ERC1: variants seen among roughly 807,000 people sequenced by gnomAD.
The protein encoded by ERC1 is ELKS/RAB6-interacting/CAST family member 1.
In ERC1, 56 loss-of-function variants were observed where a neutral mutation model predicts 132.0. The ratio of observed to expected loss-of-function variants is 0.42; its 90% CI spans 0.34 to 0.53. ERC1 has a LOEUF of 0.53. Among genes scored for constraint, ERC1 ranks in the 20% least tolerant of loss-of-function variants. The pLI is 0.03. For synonymous variants in ERC1, 478 were observed against 476.1 expected (o/e 1.00, Z -0.05); for missense variants, 1,202 against 1,349.9 (o/e 0.89, Z 1.72).
At chr12:998,679 AT>A (rs1961469768) in intron 1 of ERC1, among the ~76,000 whole-genome samples, 1 of 152,074 alleles carries the variant, frequency 6.6e-6, no homozygotes, top group African/African-American at 2.4e-5. Flanking sequence ...GGATTTCACA[AT>A]TGCATGAATG....
At chr12:1,006,033 C>T (rs1004801440) in intron 1 of ERC1, among the ~76,000 whole-genome samples, 1 of 151,470 alleles carries the variant, frequency 6.6e-6, no homozygotes, top group Non-Finnish European at 1.5e-5. Flanking sequence ...TCTTGGCTCA[C>T]TGCAACCTCT....
At chr12:1,354,250 G>GCAA (rs2085309433) in intron 15 of ERC1, among the ~76,000 whole-genome samples, 1 of 152,144 alleles carries the variant, frequency 6.6e-6, no homozygotes, top group African/African-American at 2.4e-5. Context: ...AAGGCCAGGT[G>GCAA]TGGTGGCTCA....
chr12:1,161,849 C>T (rs2154261031), intron 8 of ERC1, among the ~76,000 whole-genome samples: 1 of 152,206 alleles, frequency 6.6e-6, no homozygotes, highest in South Asian at 2.1e-4. Context: ...TCTACATTCT[C>T]TAATCATTTC....
chr12:1,234,323 A>G (rs906019321), intron 12 of ERC1, among the ~76,000 whole-genome samples: 2 of 152,226 alleles, frequency 1.3e-5, no homozygotes, highest in Non-Finnish European at 2.9e-5. Flanking sequence ...TAGCCACACA[A>G]CCAGGAGAGT....
At chr12:1,295,141 C>T (rs1289802487) in intron 15 of ERC1, among the ~76,000 whole-genome samples, 3 of 152,206 alleles carry the variant, frequency 2.0e-5, no homozygotes, top group South Asian at 4.1e-4. Context: ...GTTGGTAAAG[C>T]TGAATGTGCT....
Position 1,480,924 on chromosome 12 carries a change from C to T in ERC1, c.3214-9169C>T, listed in dbSNP as rs985319617. ...GTAAGGAAATGCAGACGCCCCCAGA[C>T]GTCCCCCTTACTCTGGGCAGTCTGT... On this transcript the variant is annotated intron_variant, in intron 18 of 18. Transcript: ENST00000360905. The T allele has an allele frequency of 5.6e-5, 39 of 702,492 alleles. No homozygotes were observed. The East Asian group carries it at 7.8e-4, about 14-fold the overall frequency. 43.5% of individuals were successfully genotyped at this position (702,492 alleles called of 1,614,324 possible). A position where few individuals can be genotyped will look rare whatever the true frequency, so the allele number is the denominator to read the frequency against.
intron 2 of ERC1, among the ~76,000 whole-genome samples, chr12:1,077,892 A>T (rs1008577026): frequency 6.6e-6 from 1 of 152,126 alleles, no homozygotes; most frequent in Non-Finnish European, 1.5e-5. Flanking sequence ...AGCTAGCCTG[A>T]TTGTAGCCAA....
At chr12:1,079,852 T>C (rs1018101450) in intron 2 of ERC1, among the ~76,000 whole-genome samples, 24 of 151,196 alleles carry the variant, frequency 1.6e-4, no homozygotes, top group Non-Finnish European at 3.0e-5. Context: ...ATGACAAAAG[T>C]CGATATACAG....
chr12:1,442,203 C>T (rs1453921504), intron 17 of ERC1, among the ~76,000 whole-genome samples: 1 of 152,226 alleles, frequency 6.6e-6, no homozygotes, highest in African/African-American at 2.4e-5. Flanking sequence ...GCTGAGTTTA[C>T]AGGCATGATC....
intron 16 of ERC1, among the ~76,000 whole-genome samples, chr12:1,394,859 C>G (rs2090398809): frequency 6.6e-6 from 1 of 152,200 alleles, no homozygotes; most frequent in African/African-American, 2.4e-5. Context: ...TGAGAGCAGA[C>G]TAATACACTC....
intron 2 of ERC1, among the ~76,000 whole-genome samples, chr12:1,037,854 C>A (rs1469947338): frequency 1.3e-5 from 2 of 151,950 alleles, no homozygotes; most frequent in East Asian, 3.9e-4. Flanking sequence ...AGCATCCTGG[C>A]TAACATGGTG....
In ERC1 at chr12:1,427,976, G is replaced by A. The variant is rs546713237; in HGVS notation, c.3025-16586G>A. Reference sequence around the variant, plus strand: ...CACAGGTAGATCCTGCTTTTCTGTGGTTTCTGTTGAGTGATTTAAGGTGGC... The same window carrying A: ...CACAGGTAGATCCTGCTTTTCTGTGATTTCTGTTGAGTGATTTAAGGTGGC... On this transcript the variant is annotated intron_variant, in intron 17 of 18. Transcript: ENST00000360905. Among the ~76,000 whole-genome samples, 4 of 152,230 alleles carry A rather than the reference G, an allele frequency of 2.6e-5. No homozygotes were observed. In the South Asian group the frequency reaches 8.3e-4, roughly 32 times the overall value.
At chr12:1,117,230 TGAG>T (rs1946551821) in intron 7 of ERC1, among the ~76,000 whole-genome samples, 2 of 151,966 alleles carry the variant, frequency 1.3e-5, no homozygotes, top group African/African-American at 4.8e-5. Context: ...AAAAAAGGAA[TGAG>T]GAGGAAAAGA....
At chr12:1,350,651 T>TA (rs2084911790) in intron 15 of ERC1, among the ~76,000 whole-genome samples, 1 of 152,236 alleles carries the variant, frequency 6.6e-6, no homozygotes, top group African/African-American at 2.4e-5. Flanking sequence ...TATAGGGACT[T>TA]ACAGTTCTAG....
intron 7 of ERC1, 30 bp downstream of exon 7, chr12:1,116,063 T>C (rs765699043): frequency 6.3e-7 from 1 of 1,586,656 alleles, no homozygotes; most frequent in Non-Finnish European, 8.6e-7. Context: ...TTGTGGGGAG[T>C]TGGTTTCTTG....
intron 15 of ERC1, among the ~76,000 whole-genome samples, chr12:1,362,655 G>A (rs992235599): frequency 4.6e-5 from 7 of 152,168 alleles, no homozygotes; most frequent in Admixed American, 3.9e-4. Flanking sequence ...TGAGGTACCT[G>A]GAGTAGTCAG....
intron 2 of ERC1, among the ~76,000 whole-genome samples, chr12:1,058,986 A>G (rs933757484): frequency 6.6e-6 from 1 of 150,916 alleles, no homozygotes; most frequent in East Asian, 1.9e-4. Context: ...TGTCTTTCCA[A>G]TTTTTTTTGT....
chr12:1,432,339 C>T (rs763585148), intron 17 of ERC1, among the ~76,000 whole-genome samples: 30 of 152,188 alleles, frequency 2.0e-4, no homozygotes, highest in Admixed American at 3.9e-4. Context: ...ACGAAGAAGG[C>T]GGAGCTGAAT....
chr12:1,479,042 G>A (rs2094033066), intron 18 of ERC1, among the ~76,000 whole-genome samples: 1 of 152,104 alleles, frequency 6.6e-6, no homozygotes, highest in Admixed American at 6.6e-5. Context: ...TTTGCATATA[G>A]CCCCACCATT....
Sources: allele counts gnomAD v4.1 joint callset (sites outside exome capture counted in the v4.1 genomes callset), GRCh38; gene constraint gnomAD v4.1.1; transcripts MANE v1.5; gene names NCBI Gene and HGNC (gene_info 2026-07-23, HGNC 2026-07-21).